RIC1: variants seen among roughly 807,000 people sequenced by gnomAD.
RIC1 encodes RIC1 partner of RAB6A GEF complex, also known as guanine nucleotide exchange factor subunit RIC1.
In RIC1, 88 loss-of-function variants were observed where a neutral mutation model predicts 169.0. The ratio of observed to expected loss-of-function variants is 0.52; its 90% confidence interval spans 0.44 to 0.62. The LOEUF is 0.62. RIC1 is among the 20% of genes least tolerant of loss of function. The pLI is 0.00. For missense variants in RIC1, 1,877 were observed against 1,725.5 expected, an observed-to-expected ratio of 1.09 and a Z score of -1.56; for synonymous variants, 790 against 601.5, an observed-to-expected ratio of 1.31 and a Z score of -4.59.
At chr9:5,728,272 A>G (rs1024191972) in intron 6 of RIC1, among the ~76,000 whole-genome samples, 1 of 152,208 alleles carries the variant, frequency 6.6e-6, no homozygotes, top group African/African-American at 2.4e-5. Context: ...CTTCGCTGCC[A>G]TCTTGCAGTT....
At chr9:5,768,377 A>T (rs1437003881) in intron 21 of RIC1, among the ~76,000 whole-genome samples, 1 of 152,082 alleles carries the variant, frequency 6.6e-6, no homozygotes, top group Admixed American at 6.5e-5. Flanking sequence ...ATAAAAATAC[A>T]TTGGCTAGGC....
At chr9:5,653,931 C>T (rs1443425020) in intron 1 of RIC1, among the ~76,000 whole-genome samples, 2 of 152,130 alleles carry the variant, frequency 1.3e-5, no homozygotes, top group East Asian at 1.9e-4. Context: ...TGGTATCTTT[C>T]ATTAGTGTTT....
intron 2 of RIC1, among the ~76,000 whole-genome samples, chr9:5,678,248 T>C (rs538939774): frequency 2.6e-5 from 4 of 152,240 alleles, no homozygotes; most frequent in Admixed American, 6.5e-5. Flanking sequence ...AGTCTATCAT[T>C]GTTGGACATT....
chr9:5,771,530 G>A (rs1827220127), intron 23 of RIC1, among the ~76,000 whole-genome samples: 1 of 152,066 alleles, frequency 6.6e-6, no homozygotes, highest in Non-Finnish European at 1.5e-5. Flanking sequence ...CAGTTATTTT[G>A]GGTATATATA....
chr9:5,681,596 T>G (rs1014217007), intron 2 of RIC1, among the ~76,000 whole-genome samples: 1 of 152,196 alleles, frequency 6.6e-6, no homozygotes, highest in African/African-American at 2.4e-5. Flanking sequence ...GTGTGGTGTG[T>G]TGCTGAAAAG....
intron 2 of RIC1, among the ~76,000 whole-genome samples, chr9:5,682,550 C>G (rs1049030904): frequency 6.6e-6 from 1 of 152,116 alleles, no homozygotes; most frequent in African/African-American, 2.4e-5. Context: ...ATGGGCTTCT[C>G]TTTGTGGGTA....
At chr9:5,712,605 T>G (rs929562295) in intron 3 of RIC1, among the ~76,000 whole-genome samples, 10 of 152,230 alleles carry the variant, frequency 6.6e-5, no homozygotes, top group Admixed American at 2.6e-4. Flanking sequence ...TCTGTGTTGT[T>G]TTCTGTCTTA....
downstream of RIC1, among the ~76,000 whole-genome samples, chr9:5,777,535 G>C (rs1827658353): frequency 6.6e-6 from 1 of 151,942 alleles, no homozygotes; most frequent in South Asian, 2.1e-4. Context: ...TTGAAACACT[G>C]TTTTTAAGTC....
intron 6 of RIC1, among the ~76,000 whole-genome samples, chr9:5,724,232 C>T (rs1042620659): frequency 1.3e-5 from 2 of 152,150 alleles, no homozygotes; most frequent in Admixed American, 6.5e-5. Flanking sequence ...TCTTTTATTT[C>T]GTTGAGCAGT....
intron 4 of RIC1, among the ~76,000 whole-genome samples, chr9:5,717,216 T>C (rs1823300070): frequency 6.6e-6 from 1 of 152,196 alleles, no homozygotes; most frequent in South Asian, 2.1e-4. Flanking sequence ...GATTATCATG[T>C]TATAGAGATT....
chr9:5,678,457 C>T (rs1211935422), intron 2 of RIC1, among the ~76,000 whole-genome samples: 4 of 151,916 alleles, frequency 2.6e-5, no homozygotes, highest in Non-Finnish European at 4.4e-5. Context: ...AGTTTACAGT[C>T]CCACCAACAG....
At chr9:5,765,933 A>G in intron 21 of RIC1, 135 bp downstream of exon 21, 4 of 1,093,798 alleles carry the variant, frequency 3.7e-6, no homozygotes, top group Non-Finnish European at 5.2e-6. Context: ...CCCAAAAAGC[A>G]GAGGCCACAC....
intron 3 of RIC1, among the ~76,000 whole-genome samples, chr9:5,711,648 C>T (rs1034566286): frequency 6.6e-6 from 1 of 151,838 alleles, no homozygotes; most frequent in Non-Finnish European, 1.5e-5. Flanking sequence ...CATATGTATA[C>T]ATGTGCTGTG....
intron 2 of RIC1, among the ~76,000 whole-genome samples, chr9:5,657,147 C>G (rs557795089): frequency 2.6e-5 from 4 of 152,044 alleles, no homozygotes; most frequent in Admixed American, 2.0e-4. Context: ...ACATGATATT[C>G]TTGAATTTAT....
chr9:5,756,147 A>C, intron 15 of RIC1, 65 bp from the exon 16 acceptor site: 1 of 1,069,354 alleles, frequency 9.4e-7, no homozygotes, highest in Non-Finnish European at 1.2e-6. Flanking sequence ...AGCATGTTTA[A>C]AGTATTTGGT....
intron 3 of RIC1, among the ~76,000 whole-genome samples, chr9:5,706,260 C>A (rs190879204): frequency 5.3e-5 from 8 of 152,188 alleles, no homozygotes; most frequent in Non-Finnish European, 1.2e-4. Flanking sequence ...GAGATCTAGA[C>A]CATCCTGACC....
At chr9:5,745,903 T>G (rs938395409) in intron 10 of RIC1, 28 bp from the exon 11 acceptor site, 1 of 1,585,816 alleles carries the variant, frequency 6.3e-7, no homozygotes, top group Non-Finnish European at 8.6e-7. Context: ...TTGCTCTGAC[T>G]TTTTTTCTCC....
intron 3 of RIC1, among the ~76,000 whole-genome samples, chr9:5,698,693 T>G (rs1486113667): frequency 6.6e-6 from 1 of 152,158 alleles, no homozygotes; most frequent in Non-Finnish European, 1.5e-5. Flanking sequence ...TTCCCAAGAC[T>G]TTGGAAAAGC....
intron 1 of RIC1, among the ~76,000 whole-genome samples, chr9:5,634,074 G>A (rs1476858663): frequency 6.6e-6 from 1 of 152,034 alleles, no homozygotes; most frequent in African/African-American, 2.4e-5. Context: ...GTTTTTTAAA[G>A]GCTGAATAAT....
Sources: allele counts gnomAD v4.1 joint callset (sites outside exome capture counted in the v4.1 genomes callset), GRCh38; gene constraint gnomAD v4.1.1; transcripts MANE v1.5; gene names NCBI Gene and HGNC (gene_info 2026-07-23, HGNC 2026-07-21).